PRPF4: variants seen among roughly 807,000 people sequenced by gnomAD.
The protein encoded by PRPF4 is pre-mRNA splicing tri-snRNP complex factor PRPF4.
In PRPF4, 14 loss-of-function variants were observed where a neutral mutation model predicts 72.2. That is an observed-to-expected ratio of 0.19 (90% CI 0.13 to 0.30). The LOEUF (loss-of-function observed/expected upper bound fraction) is 0.30. PRPF4 is among the 10% of genes least tolerant of loss of function. PRPF4 has a pLI of 1.00. For missense variants in PRPF4, 478 were observed against 653.9 expected (o/e 0.73, Z 2.93); for synonymous variants, 225 against 232.2 (o/e 0.97, Z 0.28).
Position 113,276,478 on chromosome 9 carries a change from C to T in PRPF4, c.28-70C>T, listed in dbSNP as rs75013716. 189 of 1,544,784 alleles carry T rather than the reference C, an allele frequency of 1.2e-4. 1 individual carries two copies. In the Admixed American group the frequency reaches 2.4e-3, roughly 19 times the overall value. The stretch of plus-strand genomic sequence containing the variant: ...GGACTGTGAAACTCAGGGTGAGCTT[C>T]ATCCTCTGGTGAAGTCCGGTAAATT... On this transcript the variant is annotated intron_variant, in intron 1 of 13. Transcript: ENST00000374198.
chr9:113,286,998 G>A (rs774251198), intron 9 of PRPF4, among the ~76,000 whole-genome samples, 170 bp downstream of exon 9: 1 of 152,234 alleles, frequency 6.6e-6, no homozygotes, highest in South Asian at 2.1e-4. Flanking sequence ...GTTGTGGTGA[G>A]CCGAGATTGC....
Position 113,284,339 on chromosome 9 carries a change from C to G in PRPF4, c.699C>G (p.Ile233Met). ...GTCAGATTGGGGATGATCGGCCTAT[C>G]TCCTACTGTCACTTTAGTCCCAATT... ...FCSQIGDDRP[I>M]SYCHFSPNSK... The change falls in exon 7 of 14, where the codon ATC becomes ATG. Residue 233 changes from isoleucine to methionine, a missense_variant. Transcript: ENST00000374198. 6.2e-7 allele frequency: 1 copy of G among 1,613,508 alleles called. No homozygotes were observed. Among genetic ancestry groups the G allele is most frequent in the Non-Finnish European group, 8.5e-7 (1 of 1,179,518 alleles).
rs199997099 is a variant in PRPF4 at position 113,276,607 on chromosome 9, C to T, written c.87C>T (p.Ile29=). The change falls in exon 2 of 14, where the codon ATC becomes ATT. Residue 29 remains isoleucine, a synonymous_variant. Transcript: ENST00000374198. ...CTCCGGTCGTGAAGAAACCACACAT[C>T]TATTATGGAAGTTTGGAAGAGAAGG... is the stretch of plus-strand genomic sequence containing the variant. ...LVAPVVKKPH[I]YYGSLEEKER... 8.4e-5 allele frequency: 135 copies of T among 1,614,070 alleles called. 1 individual carries two copies. In the South Asian group the frequency reaches 1.4e-3, roughly 16 times the overall value.
At chr9:113,285,087 C>A (rs540965156) in intron 7 of PRPF4, among the ~76,000 whole-genome samples, 48 of 152,038 alleles carry the variant, frequency 3.2e-4, no homozygotes, top group African/African-American at 1.2e-3. Flanking sequence ...GCCTCATTAC[C>A]TTCACTATAA....
chr9:113,278,913 TCTG>T (rs1396459659), intron 2 of PRPF4, 29 bp from the exon 3 acceptor site: 3 of 1,604,252 alleles, frequency 1.9e-6, no homozygotes, highest in Non-Finnish European at 2.6e-6. Flanking sequence ...TTGAAGAAGA[TCTG>T]CTGATGTTGC....
At chr9:113,285,106 C>T (rs934312573) in intron 7 of PRPF4, among the ~76,000 whole-genome samples, 2 of 151,922 alleles carry the variant, frequency 1.3e-5, no homozygotes, top group East Asian at 1.9e-4. Flanking sequence ...AAAGTTTGAT[C>T]GTTCCTGCCG....
intron 9 of PRPF4, among the ~76,000 whole-genome samples, chr9:113,287,649 G>A (rs967051693): frequency 2.0e-5 from 3 of 152,220 alleles, no homozygotes; most frequent in East Asian, 3.9e-4. Flanking sequence ...ACTTAGGAGC[G>A]CAGTGAGTTT....
chr9:113,284,388 T>G lies in PRPF4; in HGVS notation c.748T>G (p.Trp250Gly). The change falls in exon 7 of 14, where the codon TGG becomes GGG. Residue 250 changes from tryptophan (W) to glycine (G), a missense_variant and splice_region_variant. Coordinates refer to ENST00000374198, the MANE Select transcript of PRPF4 (RefSeq NM_001244926.2). ...PNSKMLATAC[W>G]SGLCKLWSVP... ...TTCCAAGATGCTGGCCACAGCTTGT[T>G]GGTAAGTTCCATTTTACAATGACAT... The G allele has an allele frequency of 6.2e-7, 1 of 1,605,380 alleles. No homozygotes were observed. The highest frequency in any genetic ancestry group is 8.5e-7 in the Non-Finnish European group (1 of 1,172,052).
At chr9:113,283,065 A>T (rs1832328640) in intron 4 of PRPF4, 67 bp from the exon 5 acceptor site, 3 of 1,602,740 alleles carry the variant, frequency 1.9e-6, no homozygotes. Context: ...TAAAATGGAG[A>T]AATGACAGTT....
At chr9:113,275,893 G>T in intron 1 of PRPF4, 123 bp downstream of exon 1, 1 of 1,350,280 alleles carries the variant, frequency 7.4e-7, no homozygotes, top group Admixed American at 2.3e-5. Flanking sequence ...AAGGCTGCGG[G>T]ACTCAGCGGT....
chr9:113,281,550 C>T (rs997648033), intron 3 of PRPF4, among the ~76,000 whole-genome samples: 10 of 152,130 alleles, frequency 6.6e-5, no homozygotes, highest in Non-Finnish European at 1.3e-4. Flanking sequence ...TCCTCCTGAG[C>T]GTGGCATTAG....
chr9:113,284,007 G>T (rs1832359977), intron 6 of PRPF4, among the ~76,000 whole-genome samples: 1 of 149,114 alleles, frequency 6.7e-6, no homozygotes, highest in Admixed American at 6.8e-5. Context: ...GGCGGAGGTT[G>T]CAGTGAGCCA....
At chr9:113,283,687 A>G (rs1024944555) in intron 6 of PRPF4, among the ~76,000 whole-genome samples, 2 of 152,104 alleles carry the variant, frequency 1.3e-5, no homozygotes, top group African/African-American at 2.4e-5. Flanking sequence ...CTATGGTTCT[A>G]TTCTTTATTT....
chr9:113,284,976 G>A (rs1388061180), intron 7 of PRPF4, among the ~76,000 whole-genome samples: 3 of 152,026 alleles, frequency 2.0e-5, no homozygotes, highest in African/African-American at 7.2e-5. Flanking sequence ...TAATGAGAAA[G>A]GAAACTTAGA....
At chr9:113,286,346 G>C in intron 8 of PRPF4, 56 bp downstream of exon 8, 1 of 1,472,814 alleles carries the variant, frequency 6.8e-7, no homozygotes. Flanking sequence ...ACTCAGTTAA[G>C]CCTTAAACTC....
At chr9:113,276,807 G>T in intron 2 of PRPF4, 82 bp downstream of exon 2, 1 of 1,436,100 alleles carries the variant, frequency 7.0e-7, no homozygotes, top group Non-Finnish European at 9.4e-7. Flanking sequence ...GTTTTATAAT[G>T]TCAAAAAATT....
At chr9:113,286,363 A>G in intron 8 of PRPF4, 73 bp downstream of exon 8, 1 of 1,347,702 alleles carries the variant, frequency 7.4e-7, no homozygotes, top group Non-Finnish European at 1.1e-6. Flanking sequence ...ACTCTGCTTG[A>G]CACTCAGACC....
intron 7 of PRPF4, among the ~76,000 whole-genome samples, chr9:113,285,448 G>A (rs891605196): frequency 5.3e-5 from 7 of 130,940 alleles, no homozygotes; most frequent in Non-Finnish European, 1.1e-4. Flanking sequence ...GCGCGATCTC[G>A]GCTCACTGCA....
chr9:113,284,085 A>C (rs1832362964), intron 6 of PRPF4, among the ~76,000 whole-genome samples: 1 of 151,590 alleles, frequency 6.6e-6, no homozygotes, highest in South Asian at 2.1e-4. Context: ...AAAAAAAAAA[A>C]AGACTATAGA....
Sources: gnomAD v4.1 joint callset for allele counts (sites outside exome capture counted in the v4.1 genomes callset) on GRCh38, gnomAD v4.1.1 for gene constraint, MANE v1.5 for transcripts, NCBI Gene and HGNC (gene_info 2026-07-23, HGNC 2026-07-21) for gene names.